The following PUS10 variants were observed in gnomAD, a reference collection of about 807,000 sequenced individuals.
PUS10 encodes tRNA pseudouridine synthase Pus10.
In PUS10, 59 loss-of-function variants were observed where a neutral mutation model predicts 75.0. The ratio of observed to expected loss-of-function variants is 0.79; its 90% CI spans 0.64 to 0.98. The LOEUF (loss-of-function observed/expected upper bound fraction) is 0.98, where lower values mean the gene tolerates loss of function less well. PUS10 is among the 50% of genes least tolerant of loss of function. The probability of loss-of-function intolerance (pLI) is 0.00; values close to 1 mark genes in which losing one functional copy is unlikely to be tolerated. For synonymous variants in PUS10, 219 were observed against 211.6 expected (o/e 1.03, Z -0.30); for missense variants, 650 against 614.4 (o/e 1.06, Z -0.61).
At chr2:61,007,896 C>T (rs2104704955) in intron 3 of PUS10, among the ~76,000 whole-genome samples, 1 of 150,386 alleles carries the variant, frequency 6.6e-6, no homozygotes, top group South Asian at 2.1e-4. Context: ...TCCTGGCTAA[C>T]ACGGTGAAAC....
At chr2:60,965,211 G>A in intron 7 of PUS10, 108 bp from the exon 8 acceptor site, 5 of 1,165,094 alleles carry the variant, frequency 4.3e-6, no homozygotes, top group East Asian at 2.4e-5. Flanking sequence ...GACATCAGGA[G>A]CAGACAAAAT....
intron 4 of PUS10, among the ~76,000 whole-genome samples, chr2:60,972,675 G>A (rs769452361): frequency 1.3e-5 from 2 of 152,070 alleles, no homozygotes; most frequent in East Asian, 1.9e-4. Flanking sequence ...CTGCTTCTAC[G>A]TGTCACAAAA....
At chr2:61,003,056 C>A (rs750763597) in intron 4 of PUS10, among the ~76,000 whole-genome samples, 1 of 152,186 alleles carries the variant, frequency 6.6e-6, no homozygotes, top group Non-Finnish European at 1.5e-5. Context: ...CTCCATCCTG[C>A]TTCCATATTC....
Position 60,942,328 on chromosome 2 carries a change from G to A in PUS10, c.*67C>T, listed in dbSNP as rs974488805. On this transcript the variant is annotated 3_prime_UTR_variant, in exon 18 of 18. Coordinates refer to ENST00000316752, the MANE Select transcript of PUS10 (RefSeq NM_144709.4). ...TATGGTGGGTAAACAGCCATTTTAC[G>A]GCATGTGCTCCATGGATGTCCACAT... The A allele has an allele frequency of 4.8e-5, 63 of 1,306,914 alleles. No homozygotes were observed. Among genetic ancestry groups the A allele is most frequent in the East Asian group, 6.9e-5 (3 of 43,462 alleles). 81.0% of individuals were successfully genotyped at this position (1,306,914 alleles called of 1,614,324 possible).
At chr2:60,947,578 A>G (rs1465647873) in intron 16 of PUS10, among the ~76,000 whole-genome samples, 2 of 152,190 alleles carry the variant, frequency 1.3e-5, no homozygotes, top group South Asian at 4.1e-4. Context: ...GCCTGTAATC[A>G]CAGCACTTCG....
At chr2:60,964,486 A>AGT (rs1408080083) in intron 8 of PUS10, among the ~76,000 whole-genome samples, 2 of 152,216 alleles carry the variant, frequency 1.3e-5, no homozygotes, top group East Asian at 3.8e-4. Flanking sequence ...ACGAGCTAAG[A>AGT]GTGTATGTTA....
intron 4 of PUS10, among the ~76,000 whole-genome samples, chr2:60,976,080 G>T (rs914327571): frequency 6.6e-6 from 1 of 152,060 alleles, no homozygotes; most frequent in Non-Finnish European, 1.5e-5. Context: ...TTCTTTAAGA[G>T]ATCAATAAAC....
At chr2:60,992,155 T>A (rs142949134) in intron 4 of PUS10, among the ~76,000 whole-genome samples, 2,499 of 152,042 alleles carry the variant, frequency 0.016, 37 homozygotes, top group Middle Eastern at 0.027. Flanking sequence ...GGACTACAGG[T>A]GCCTGCCACC....
intron 4 of PUS10, among the ~76,000 whole-genome samples, chr2:60,979,337 G>A (rs1677238692): frequency 6.6e-6 from 1 of 152,118 alleles, no homozygotes; most frequent in African/African-American, 2.4e-5. Flanking sequence ...AGTGCCTTAA[G>A]CTTCTGCTCC....
intron 2 of PUS10, among the ~76,000 whole-genome samples, chr2:61,011,391 A>T (rs1395656781): frequency 6.6e-6 from 1 of 152,240 alleles, no homozygotes; most frequent in African/African-American, 2.4e-5. Flanking sequence ...AGAAAAAGGC[A>T]ACCATACCCA....
intron 4 of PUS10, among the ~76,000 whole-genome samples, chr2:60,999,822 A>G (rs1030719249): frequency 6.6e-6 from 1 of 151,966 alleles, no homozygotes; most frequent in African/African-American, 2.4e-5. Context: ...TTTAGGGGGG[A>G]AAAAGGATCT....
At chr2:60,972,850 T>C (rs889393215) in intron 4 of PUS10, among the ~76,000 whole-genome samples, 1 of 152,216 alleles carries the variant, frequency 6.6e-6, no homozygotes, top group African/African-American at 2.4e-5. Context: ...TTGGAAAGAT[T>C]AGCTGCATTA....
rs12479056 is a variant in PUS10, at chr2:60,948,177, T to C, written c.1317A>G (p.Lys439=). Reference sequence around the variant, plus strand: ...CGCGCAAAGGTGTTTTCTGGTCGATTTTTAAGTCCTAGGGGAGAATATGAC... The same window carrying C: ...CGCGCAAAGGTGTTTTCTGGTCGATCTTTAAGTCCTAGGGGAGAATATGAC... ...IEFLNDIKDL[K]IDQKTPLRVL... is the part of the protein sequence containing the mutation. The change falls in exon 16 of 18, where the codon AAA becomes AAG. Residue 439 remains lysine (K), a synonymous_variant. Coordinates refer to ENST00000316752, the MANE Select transcript of PUS10 (RefSeq NM_144709.4). 0.62 allele frequency: 1,005,352 copies of C among 1,613,070 alleles called. 324,259 individuals carry two copies. The highest frequency in any genetic ancestry group is 0.74 in the Middle Eastern group (4,499 of 6,062).
intron 4 of PUS10, chr2:60,998,619 G>A (rs1432112231): frequency 6.6e-6 from 1 of 152,234 alleles, no homozygotes; most frequent in African/African-American, 2.4e-5. Context: ...GAACCTGGGA[G>A]GCAGAGGTTG....
Position 60,946,080 on chromosome 2 carries a change from G to A in PUS10, c.1452-972C>T, listed in dbSNP as rs544228777. Among the ~76,000 whole-genome samples the A allele has an allele frequency of 2.0e-5, 3 of 152,192 alleles. No individual in the cohort carries two copies. In the South Asian group the frequency reaches 6.2e-4, roughly 32 times the overall value. On this transcript the variant is annotated intron_variant, in intron 16 of 17. Coordinates refer to ENST00000316752, the MANE Select transcript of PUS10 (RefSeq NM_144709.4). The stretch of plus-strand genomic sequence containing the variant: ...TAAGACATATAATTATCTAGTAACT[G>A]TGTTTTTTGGTAAACTCACAACTAC...
intron 11 of PUS10, among the ~76,000 whole-genome samples, chr2:60,959,692 C>G (rs1675897513): frequency 6.6e-6 from 1 of 152,102 alleles, no homozygotes; most frequent in South Asian, 2.1e-4. Context: ...CTCGGCAGAG[C>G]AATCATCTTG....
At chr2:61,001,316 C>T in intron 4 of PUS10, among the ~76,000 whole-genome samples, 1 of 150,842 alleles carries the variant, frequency 6.6e-6, no homozygotes, top group East Asian at 1.9e-4. Flanking sequence ...GATGTAGTCT[C>T]CCCAGGCTGG....
rs569137246 is a variant in PUS10, at chr2:60,962,324, C to A, written c.788+502G>T. Among the ~76,000 whole-genome samples, 104 of 152,324 alleles carry A rather than the reference C, an allele frequency of 6.8e-4. 1 individual carries two copies. The highest frequency in any genetic ancestry group is 1.4e-3 in the Non-Finnish European group (93 of 68,032). ...CGGTGGCTCACGCCTGTAATCCCAG[C>A]ACTTTGGGAGGCCGAGGCGGGTGGA... is the stretch of plus-strand genomic sequence containing the variant. On this transcript the variant is annotated intron_variant, in intron 9 of 17. Coordinates refer to ENST00000316752, the MANE Select transcript of PUS10 (RefSeq NM_144709.4).
chr2:60,948,200 G>T lies in PUS10; in HGVS notation c.1309-15C>A. On this transcript the variant is annotated splice_polypyrimidine_tract_variant and intron_variant, in intron 15 of 17. Transcript: ENST00000316752. ...ATTTTTAAGTCCTAGGGGAGAATAT[G>T]ACACACAGTCCCAGAGTCAGAGCTT... 6.2e-7 allele frequency: 1 copy of T among 1,613,660 alleles called. No individual in the cohort carries two copies. The highest frequency in any genetic ancestry group is 1.1e-5 in the South Asian group (1 of 91,040).
Sources: gnomAD v4.1 joint callset for allele counts (sites outside exome capture counted in the v4.1 genomes callset) on GRCh38, gnomAD v4.1.1 for gene constraint, MANE v1.5 for transcripts, NCBI Gene and HGNC (gene_info 2026-07-23, HGNC 2026-07-21) for gene names.